VWA3B: variants seen among roughly 807,000 people sequenced by gnomAD.
VWA3B encodes von Willebrand factor A domain-containing protein 3B.
VWA3B carries 138 observed loss-of-function variants against 158.3 expected under a neutral mutation model. The ratio of observed to expected loss-of-function variants is 0.87; its 90% CI spans 0.76 to 1.00. The LOEUF is 1.00. VWA3B is among the 50% of genes least tolerant of loss of function. The probability of loss-of-function intolerance (pLI) is 0.00; values close to 1 mark genes in which losing one functional copy is unlikely to be tolerated. For synonymous variants in VWA3B, 596 were observed against 587.3 expected (o/e 1.01, Z -0.21); for missense variants, 1,555 against 1,565.1 (o/e 0.99, Z 0.11).
chr2:98,199,086 C>A (rs1471819796), intron 12 of VWA3B, among the ~76,000 whole-genome samples: 138 of 143,856 alleles, frequency 9.6e-4, no homozygotes, highest in South Asian at 1.1e-3. Context: ...GACTCCGTCT[C>A]AAAAAAAAAA....
intron 12 of VWA3B, among the ~76,000 whole-genome samples, chr2:98,209,509 T>C (rs886213101): frequency 2.0e-5 from 3 of 152,212 alleles, no homozygotes; most frequent in African/African-American, 7.2e-5. Context: ...CTCGATCTCC[T>C]GACCTCATGA....
In VWA3B at chr2:98,093,117, A is replaced by G. The variant is rs765703157; in HGVS notation, c.25A>G (p.Thr9Ala). The G allele has an allele frequency of 6.2e-7, 1 of 1,613,928 alleles. No individual in the cohort carries two copies. Among genetic ancestry groups the G allele is most frequent in the Non-Finnish European group, 8.5e-7 (1 of 1,179,916 alleles). Residue 9 changes from threonine to alanine, a missense_variant, in exon 2 of 28, where the codon ACC becomes GCC. Transcript: ENST00000477737. The part of the protein sequence containing the change: MEKSGPSS[T>A]ISEQQLQRQE... Reference sequence around the variant, plus strand: ...GATGGAGAAATCAGGCCCATCTTCTACCATCTCTGAGCAGCAGCTGCAGAG... The same window carrying G: ...GATGGAGAAATCAGGCCCATCTTCTGCCATCTCTGAGCAGCAGCTGCAGAG...
chr2:98,146,066 T>A (rs1269379365), intron 7 of VWA3B, among the ~76,000 whole-genome samples: 12 of 152,226 alleles, frequency 7.9e-5, no homozygotes. Flanking sequence ...TTTCATCTTT[T>A]CTTGTTGCCT....
rs763066806 is a variant in VWA3B at position 98,311,997 on chromosome 2, C to T, written c.3700C>T (p.His1234Tyr). The T allele has an allele frequency of 1.1e-5, 17 of 1,603,466 alleles. No homozygotes were observed. The East Asian group carries it at 3.4e-4, about 32-fold the overall frequency. The change falls in exon 27 of 28, where the codon CAT becomes TAT. Residue 1234 changes from histidine to tyrosine, a missense_variant. Transcript: ENST00000477737. Reference protein sequence around the residue: ...SDGSSHGISSHGSCQGTHPEP... With the variant: ...SDGSSHGISSYGSCQGTHPEP... Reference sequence around the variant, plus strand: ...CGGCTCCTCCCACGGCATCAGCTCCCATGGGTCCTGCCAGGGGACACACCC... The same window carrying T: ...CGGCTCCTCCCACGGCATCAGCTCCTATGGGTCCTGCCAGGGGACACACCC...
Position 98,312,572 on chromosome 2 carries a change from T to C in VWA3B, c.*223T>C. 1.8e-6 allele frequency: 1 copy of C among 540,608 alleles called. No homozygotes were observed. Among genetic ancestry groups the C allele is most frequent in the East Asian group, 3.0e-5 (1 of 33,154 alleles). The allele number at this position is 540,608 out of a possible 1,614,324, so 33.5% of individuals were successfully genotyped here. A position where few individuals can be genotyped will look rare whatever the true frequency, so the allele number is the denominator to read the frequency against. On this transcript the variant is annotated 3_prime_UTR_variant, in exon 28 of 28. Transcript: ENST00000477737. ...CTTTTTCTGACTGTTCTTTATCCTG[T>C]TTTCCCCCTGCACTCACAAAATTGT...
Position 98,311,927 on chromosome 2 carries a change from GC to G in VWA3B, c.3633del (p.Ala1212ProfsTer46), listed in dbSNP as rs1183821866. The G allele has an allele frequency of 6.2e-7, 1 of 1,604,844 alleles. No individual in the cohort carries two copies. Among genetic ancestry groups the G allele is most frequent in the Non-Finnish European group, 8.5e-7 (1 of 1,176,166 alleles). ...RREKPRRKKR[P>X]AKQPLQQAAP... The stretch of plus-strand genomic sequence containing the variant: ...GAGAGAAGCCCAGGAGGAAAAAGAG[GC>G]CCGCCAAGCAGCCACTCCAGCAGGC... On this transcript the variant is annotated frameshift_variant, in exon 27 of 28. Coordinates refer to ENST00000477737, the MANE Select transcript of VWA3B (RefSeq NM_144992.5). LOFTEE classifies it high-confidence loss of function.
At chr2:98,159,789 G>A (rs1678410732) in intron 7 of VWA3B, among the ~76,000 whole-genome samples, 1 of 151,632 alleles carries the variant, frequency 6.6e-6, no homozygotes, top group Admixed American at 6.6e-5. Context: ...GGCTGAGGCG[G>A]GTGGATCACC....
chr2:98,253,319 T>C (rs557172445), intron 20 of VWA3B, among the ~76,000 whole-genome samples: 1 of 152,224 alleles, frequency 6.6e-6, no homozygotes, highest in South Asian at 2.1e-4. Context: ...AATCCATATG[T>C]TTAAGGATGA....
At chr2:98,310,392 G>C (rs1037816992) in intron 26 of VWA3B, among the ~76,000 whole-genome samples, 1 of 152,120 alleles carries the variant, frequency 6.6e-6, no homozygotes, top group Non-Finnish European at 1.5e-5. Context: ...CTCCAGGCAG[G>C]GGGGTAGGCA....
In VWA3B at chr2:98,280,506, C is replaced by G. The variant is rs144546109; in HGVS notation, c.3045+9623C>G. ...GGTCAGGGAGGGGAAGGAATGTTTC[C>G]TGGTTCGGGGATCTGTCTGTGGAAG... is the stretch of plus-strand genomic sequence containing the variant. On this transcript the variant is annotated intron_variant, in intron 22 of 27. Coordinates refer to ENST00000477737, the MANE Select transcript of VWA3B (RefSeq NM_144992.5). Among the ~76,000 whole-genome samples, 273 of 152,320 alleles carry G rather than the reference C, an allele frequency of 1.8e-3. 3 individuals carry two copies. In the Middle Eastern group the frequency reaches 0.051, roughly 28 times the overall value.
chr2:98,210,997 C>T (rs1195043088), intron 12 of VWA3B, among the ~76,000 whole-genome samples: 1 of 152,198 alleles, frequency 6.6e-6, no homozygotes, highest in Non-Finnish European at 1.5e-5. Flanking sequence ...TCAATACTCC[C>T]AGTGCCAGCG....
chr2:98,123,881 A>T (rs1476899750), intron 5 of VWA3B, among the ~76,000 whole-genome samples: 1 of 152,172 alleles, frequency 6.6e-6, no homozygotes, highest in African/African-American at 2.4e-5. Context: ...GCCTAAGAAG[A>T]CCAAGGGGTT....
At chr2:98,306,467 A>G (rs1007994702) in intron 26 of VWA3B, among the ~76,000 whole-genome samples, 3 of 152,020 alleles carry the variant, frequency 2.0e-5, no homozygotes, top group African/African-American at 7.3e-5. Flanking sequence ...CTTAGCTATG[A>G]TTATCAAAAA....
At position 98,200,708 on chromosome 2, in the gene VWA3B, A is replaced by G. The variant is rs370604422; in HGVS notation, c.1737+6216A>G. Among the ~76,000 whole-genome samples, 50 of 152,298 alleles carry G rather than the reference A, an allele frequency of 3.3e-4. No homozygotes were observed. The East Asian group carries it at 5.4e-3, about 16-fold the overall frequency. The stretch of plus-strand genomic sequence containing the variant: ...AATTTTGATAAAGTCGAAGTTGCCA[A>G]GTTTTCTTTACGGATTGTGCTTTTA... On this transcript the variant is annotated intron_variant, in intron 12 of 27. Coordinates refer to ENST00000477737, the MANE Select transcript of VWA3B (RefSeq NM_144992.5).
intron 17 of VWA3B, 111 bp from the exon 18 acceptor site, chr2:98,236,279 C>G (rs377715044): frequency 1.7e-6 from 2 of 1,155,244 alleles, no homozygotes; most frequent in Non-Finnish European, 2.5e-6. Context: ...GAAATGTGGT[C>G]CATTTATTAG....
rs978422304 is a variant in VWA3B, at chr2:98,310,240, G to A, written c.3522-1579G>A. Reference sequence around the variant, plus strand: ...GAGACACTTAGGGCACAATACAAACGAGACCTCAGGAATCCAGCAGGATTT... The same window carrying A: ...GAGACACTTAGGGCACAATACAAACAAGACCTCAGGAATCCAGCAGGATTT... On this transcript the variant is annotated intron_variant, in intron 26 of 27. Coordinates refer to ENST00000477737, the MANE Select transcript of VWA3B (RefSeq NM_144992.5). Among the ~76,000 whole-genome samples, 7 of 152,250 alleles carry A rather than the reference G, an allele frequency of 4.6e-5. No homozygotes were observed. In the East Asian group the frequency reaches 1.2e-3, roughly 25 times the overall value.
chr2:98,203,111 G>T (rs900171807), intron 12 of VWA3B, among the ~76,000 whole-genome samples: 1 of 152,182 alleles, frequency 6.6e-6, no homozygotes, highest in South Asian at 2.1e-4. Context: ...GATTACAGGC[G>T]TGAGCCACCA....
At chr2:98,136,602 C>CAAA (rs540145824) in intron 7 of VWA3B, among the ~76,000 whole-genome samples, 2 of 125,372 alleles carry the variant, frequency 1.6e-5, no homozygotes, top group African/African-American at 2.8e-5. Flanking sequence ...ATGAAAGGGC[C>CAAA]AAAAAAAAAA....
At chr2:98,249,384 A>G (rs531503554) in intron 19 of VWA3B, among the ~76,000 whole-genome samples, 1 of 152,270 alleles carries the variant, frequency 6.6e-6, no homozygotes, top group East Asian at 1.9e-4. Context: ...TACAGTTACT[A>G]TCAAGATTAA....
Sources: allele counts gnomAD v4.1 joint callset (sites outside exome capture counted in the v4.1 genomes callset), GRCh38; gene constraint gnomAD v4.1.1; transcripts MANE v1.5; gene names NCBI Gene and HGNC (gene_info 2026-07-23, HGNC 2026-07-21).